C16orf74: variants seen among roughly 807,000 people sequenced by gnomAD.
C16orf74 encodes the protein uncharacterized protein C16orf74.
C16orf74 carries 10 observed loss-of-function variants against 6.5 expected under a neutral mutation model. The observed-to-expected ratio is 1.54, with a 90% CI of 0.95 to 2.61. The LOEUF is 2.61. Among genes scored for constraint, C16orf74 ranks in the 30% most tolerant of loss-of-function variants. C16orf74 has a pLI of 0.00. For synonymous variants in C16orf74, 60 were observed against 42.5 expected, an observed-to-expected ratio of 1.41 and a Z score of -1.60; for missense variants, 141 against 105.9, an observed-to-expected ratio of 1.33 and a Z score of -1.45.
At chr16:85,745,036 G>T (rs1312660717) in intron 1 of C16orf74, among the ~76,000 whole-genome samples, 1 of 150,750 alleles carries the variant, frequency 6.6e-6, no homozygotes, top group Non-Finnish European at 1.5e-5. Context: ...AGCTACTCGG[G>T]AGGCTGAGGC....
At chr16:85,725,071 G>A (rs1164763174) in intron 2 of C16orf74, among the ~76,000 whole-genome samples, 1 of 152,172 alleles carries the variant, frequency 6.6e-6, no homozygotes, top group Non-Finnish European at 1.5e-5. Flanking sequence ...CTGATGGGGG[G>A]GGGACCGGCT....
intron 2 of C16orf74, 76 bp downstream of exon 2, chr16:85,735,114 C>T: frequency 7.4e-7 from 1 of 1,347,340 alleles, no homozygotes; most frequent in Non-Finnish European, 1.0e-6. Flanking sequence ...AGGGCTTCAA[C>T]TCCCCTCTCT....
chr16:85,715,282 G>C (rs2054012406), intron 2 of C16orf74, among the ~76,000 whole-genome samples: 1 of 151,936 alleles, frequency 6.6e-6, no homozygotes, highest in South Asian at 2.1e-4. Context: ...CAGACAAAGG[G>C]ATGTGTTGCC....
chr16:85,732,619 T>C (rs907100092), intron 2 of C16orf74, among the ~76,000 whole-genome samples: 3 of 130,986 alleles, frequency 2.3e-5, no homozygotes, highest in South Asian at 2.6e-4. Context: ...TGAGTCGAGA[T>C]TGCACCACTG....
intron 1 of C16orf74, among the ~76,000 whole-genome samples, chr16:85,738,450 G>A (rs866219491): frequency 1.3e-5 from 2 of 150,826 alleles, no homozygotes; most frequent in African/African-American, 2.4e-5. Flanking sequence ...TCAGCCTCCC[G>A]AGTAGCTGGG....
chr16:85,750,229 A>G (rs1476840482), intron 1 of C16orf74, among the ~76,000 whole-genome samples: 1 of 152,178 alleles, frequency 6.6e-6, no homozygotes, highest in Non-Finnish European at 1.5e-5. Context: ...GAGCCTGCAC[A>G]GATTTTCCCT....
intron 2 of C16orf74, among the ~76,000 whole-genome samples, chr16:85,716,007 TG>T (rs1329359576): frequency 6.9e-6 from 1 of 143,894 alleles, no homozygotes; most frequent in Admixed American, 6.7e-5. Flanking sequence ...AAGGAATCGC[TG>T]ATGATCGGAG....
chr16:85,716,600 G>T (rs1271636067), intron 2 of C16orf74, among the ~76,000 whole-genome samples: 2 of 148,682 alleles, frequency 1.3e-5, no homozygotes, highest in Non-Finnish European at 3.0e-5. Flanking sequence ...GAGGGAGGAG[G>T]AAAGACAGGG....
rs563998364 is a variant in C16orf74, at chr16:85,714,884, C to T, written c.29-4577G>A. ...AAGAAGAGAACATTTCAGCCGGGTGCGGTGGCTCACGCCTGTAATCCCAGC... is the reference window on the plus strand; with the variant it reads ...AAGAAGAGAACATTTCAGCCGGGTGTGGTGGCTCACGCCTGTAATCCCAGC... On this transcript the variant is annotated intron_variant, in intron 2 of 3. Coordinates refer to ENST00000284245, the MANE Select transcript of C16orf74 (RefSeq NM_206967.3). Among the ~76,000 whole-genome samples the T allele has an allele frequency of 5.5e-3, 822 of 150,298 alleles. 7 individuals are homozygous for T. The highest frequency in any genetic ancestry group is 0.019 in the African/African-American group (800 of 41,074).
intron 2 of C16orf74, among the ~76,000 whole-genome samples, chr16:85,734,274 C>T (rs1179662950): frequency 2.6e-5 from 4 of 152,204 alleles, no homozygotes; most frequent in Admixed American, 6.5e-5. Context: ...TGACCTGAGA[C>T]GGGTCCGCCA....
chr16:85,727,121 C>T (rs76014391), intron 2 of C16orf74, among the ~76,000 whole-genome samples: 1,706 of 152,338 alleles, frequency 0.011, 30 homozygotes, highest in African/African-American at 0.039. Context: ...GCCCAGTGCA[C>T]GGTAGGGACG....
chr16:85,748,934 T>TA (rs1567815819), intron 1 of C16orf74, among the ~76,000 whole-genome samples: 5 of 22,040 alleles, frequency 2.3e-4, no homozygotes, highest in African/African-American at 4.6e-4. Context: ...GATTTTTTTT[T>TA]TTTTTTTTTT....
intron 2 of C16orf74, among the ~76,000 whole-genome samples, chr16:85,727,053 C>T (rs546568706): frequency 6.6e-6 from 1 of 152,356 alleles, no homozygotes; most frequent in African/African-American, 2.4e-5. Context: ...CTGTACACTC[C>T]CAGTGGCCAG....
At chr16:85,727,888 T>A (rs553339266) in intron 2 of C16orf74, among the ~76,000 whole-genome samples, 45 of 145,018 alleles carry the variant, frequency 3.1e-4, no homozygotes, top group African/African-American at 1.1e-3. Flanking sequence ...CCTGAAATCC[T>A]AGCACCTTGG....
At chr16:85,731,929 G>C (rs937417270) in intron 2 of C16orf74, among the ~76,000 whole-genome samples, 1 of 152,240 alleles carries the variant, frequency 6.6e-6, no homozygotes, top group Non-Finnish European at 1.5e-5. Context: ...GGGCTCAAGA[G>C]ATCCTCCTGC....
intron 1 of C16orf74, chr16:85,744,087 T>A (rs1301596213): frequency 6.7e-6 from 1 of 149,038 alleles, no homozygotes; most frequent in African/African-American, 2.5e-5. Flanking sequence ...TAGCCGGGCA[T>A]GGTGGTGCAT....
intron 2 of C16orf74, among the ~76,000 whole-genome samples, chr16:85,720,679 G>A (rs1258801466): frequency 6.6e-6 from 1 of 150,738 alleles, no homozygotes; most frequent in Non-Finnish European, 1.5e-5. Context: ...GGGAGGCTGA[G>A]AAGGGAGGAT....
At chr16:85,738,101 C>G (rs1339424054) in intron 1 of C16orf74, among the ~76,000 whole-genome samples, 1 of 151,346 alleles carries the variant, frequency 6.6e-6, no homozygotes, top group African/African-American at 2.4e-5. Context: ...AAAAATTAGT[C>G]AAGTGTGGTG....
chr16:85,707,991 A>G lies in C16orf74; in HGVS notation c.*17T>C. On this transcript the variant is annotated 3_prime_UTR_variant, in exon 4 of 4. Coordinates refer to ENST00000284245, the MANE Select transcript of C16orf74 (RefSeq NM_206967.3). ...CCGCTGGAGCAGGAGCCAGCCAGCC[A>G]AACCCAGGACACCTCCTCAGGCTTC... The G allele has an allele frequency of 6.4e-7, 1 of 1,551,148 alleles. No individual in the cohort carries two copies. The highest frequency in any genetic ancestry group is 8.7e-7 in the Non-Finnish European group (1 of 1,146,744).
Sources: allele counts gnomAD v4.1 joint callset (sites outside exome capture counted in the v4.1 genomes callset), GRCh38; gene constraint gnomAD v4.1.1; transcripts MANE v1.5; gene names NCBI Gene and HGNC (gene_info 2026-07-23, HGNC 2026-07-21).